Variants in ARID5B observed in about 807,000 individuals in gnomAD.
ARID5B encodes AT-rich interaction domain 5B.
A neutral mutation model predicts 97.2 loss-of-function variants in ARID5B; 13 were observed. That is an observed-to-expected ratio of 0.13 (90% CI 0.09 to 0.21). The LOEUF (loss-of-function observed/expected upper bound fraction) is 0.21. ARID5B is among the 10% of genes least tolerant of loss of function. ARID5B has a pLI of 1.00. For synonymous variants in ARID5B, 556 were observed against 570.3 expected (o/e 0.97, Z 0.36); for missense variants, 1,210 against 1,465.3 (o/e 0.83, Z 2.84).
intron 2 of ARID5B, among the ~76,000 whole-genome samples, chr10:61,933,100 A>G (rs773175416): frequency 2.2e-4 from 33 of 152,196 alleles, no homozygotes; most frequent in Admixed American, 3.3e-4. Flanking sequence ...AAACAAAAAA[A>G]CATTGTTGAC....
chr10:61,921,355 G>A (rs558196083), intron 2 of ARID5B, among the ~76,000 whole-genome samples: 11 of 152,330 alleles, frequency 7.2e-5, no homozygotes, highest in Admixed American at 5.2e-4. Context: ...GCTCTGTAGA[G>A]GGAGGATCTA....
chr10:62,020,469 G>A (rs1839341604), intron 4 of ARID5B, among the ~76,000 whole-genome samples: 1 of 152,154 alleles, frequency 6.6e-6, no homozygotes, highest in Non-Finnish European at 1.5e-5. Flanking sequence ...ATGGGACTTT[G>A]ACATCGGATA....
At chr10:62,073,433 T>A (rs1209044879) in intron 8 of ARID5B, among the ~76,000 whole-genome samples, 2 of 152,184 alleles carry the variant, frequency 1.3e-5, no homozygotes, top group Non-Finnish European at 2.9e-5. Flanking sequence ...AAAGTGTGGG[T>A]TGTTGAAAAG....
chr10:61,930,061 C>G (rs532667145), intron 2 of ARID5B, among the ~76,000 whole-genome samples: 1 of 152,258 alleles, frequency 6.6e-6, no homozygotes, highest in Admixed American at 6.5e-5. Flanking sequence ...ACAATGTAGT[C>G]ATGGGCTTTA....
At chr10:62,060,476 A>G (rs916482057) in intron 7 of ARID5B, among the ~76,000 whole-genome samples, 9 of 152,216 alleles carry the variant, frequency 5.9e-5, no homozygotes, top group African/African-American at 2.2e-4. Context: ...TAAAATGTGC[A>G]TTTCATATTC....
At chr10:61,924,374 A>G (rs1387068254) in intron 2 of ARID5B, among the ~76,000 whole-genome samples, 13 of 152,226 alleles carry the variant, frequency 8.5e-5, no homozygotes, top group Non-Finnish European at 1.5e-5. Context: ...ATATTTTTCC[A>G]AACTGAATTT....
chr10:62,044,840 G>A (rs1839686056), intron 4 of ARID5B, among the ~76,000 whole-genome samples: 1 of 152,166 alleles, frequency 6.6e-6, no homozygotes, highest in East Asian at 1.9e-4. Context: ...ATGGCCCAGT[G>A]TGTTTATATC....
intron 4 of ARID5B, among the ~76,000 whole-genome samples, chr10:62,003,516 G>T (rs1256184163): frequency 1.3e-5 from 2 of 152,172 alleles, no homozygotes; most frequent in African/African-American, 2.4e-5. Context: ...CTCCCATTTT[G>T]GGTAATGGCT....
intron 3 of ARID5B, among the ~76,000 whole-genome samples, chr10:61,944,843 T>C (rs1439712823): frequency 6.6e-6 from 1 of 152,162 alleles, no homozygotes; most frequent in Non-Finnish European, 1.5e-5. Flanking sequence ...CATCTCCAAA[T>C]GTGTCTTTAG....
At chr10:61,945,340 C>T (rs1456407365) in intron 3 of ARID5B, among the ~76,000 whole-genome samples, 1 of 151,290 alleles carries the variant, frequency 6.6e-6, no homozygotes, top group Admixed American at 6.6e-5. Context: ...TTCTCAGCCA[C>T]AAAAAAAGAT....
At chr10:61,988,018 G>A (rs1838870064) in intron 3 of ARID5B, among the ~76,000 whole-genome samples, 2 of 152,192 alleles carry the variant, frequency 1.3e-5, no homozygotes, top group South Asian at 4.1e-4. Context: ...CTAAACTAGA[G>A]CCATCCTCCT....
chr10:62,010,251 A>C (rs1316505405), intron 4 of ARID5B, among the ~76,000 whole-genome samples: 1 of 152,196 alleles, frequency 6.6e-6, no homozygotes. Flanking sequence ...TGGCTGCTTA[A>C]TGGGCTGCTT....
Position 62,051,225 on chromosome 10 carries a change from T to C in ARID5B, c.846+225T>C, listed in dbSNP as rs1422094141. The C allele has an allele frequency of 1.3e-5, 8 of 608,628 alleles. No homozygotes were observed. The Admixed American group carries it at 2.2e-4, about 17-fold the overall frequency. 37.7% of individuals were successfully genotyped at this position (608,628 alleles called of 1,614,324 possible). On this transcript the variant is annotated intron_variant, in intron 5 of 9. Transcript: ENST00000279873. ...CATTTTGATTAGTCAACAGAAAGACTTCCTACCTCCCAGTTTGGCCTGTTA... is the reference window on the plus strand; with the variant it reads ...CATTTTGATTAGTCAACAGAAAGACCTCCTACCTCCCAGTTTGGCCTGTTA...
chr10:61,926,471 G>T (rs1844107373), intron 2 of ARID5B, among the ~76,000 whole-genome samples: 1 of 152,156 alleles, frequency 6.6e-6, no homozygotes, highest in Non-Finnish European at 1.5e-5. Flanking sequence ...GATTAGATGG[G>T]ATAATGTCTA....
At chr10:61,907,755 T>G (rs756401433) in intron 2 of ARID5B, among the ~76,000 whole-genome samples, 17 of 152,254 alleles carry the variant, frequency 1.1e-4, no homozygotes, top group Non-Finnish European at 2.5e-4. Flanking sequence ...TCTGGCCCAC[T>G]GTCTGTTTTT....
chr10:61,952,843 G>GGTGTGT (rs59658634), intron 3 of ARID5B, among the ~76,000 whole-genome samples: 80 of 147,864 alleles, frequency 5.4e-4, no homozygotes, highest in East Asian at 1.2e-3. Context: ...TGGTGTTATA[G>GGTGTGT]GTGTGTGTGT....
At chr10:62,050,477 C>A (rs369756619) in intron 4 of ARID5B, among the ~76,000 whole-genome samples, 2 of 152,052 alleles carry the variant, frequency 1.3e-5, no homozygotes, top group Non-Finnish European at 2.9e-5. Context: ...ACTATGATAC[C>A]ATAAGGGCAG....
Position 62,091,093 on chromosome 10 carries a change from A to G in ARID5B, c.1630A>G (p.Ser544Gly), listed in dbSNP as rs1328589418. The change falls in exon 10 of 10, where the codon AGT (serine) becomes GGT (glycine). Residue 544 changes from serine (S) to glycine (G), a missense_variant. By Grantham distance (56) the Ser-to-Gly change is moderately conservative. Around this residue, in one of 8 missense-constraint regions of ARID5B, gnomAD observed 800 missense variants for 839.1 expected, o/e 0.95. Coordinates refer to ENST00000279873, the MANE Select transcript of ARID5B (RefSeq NM_032199.3). ...GAAGGGGCCCACACCTCCACTCCCA[A>G]GTGCTCCTCTGGCCCCAGAAAAAGA... Reference protein sequence around the residue: ...GEKGPTPPLPSAPLAPEKDSA... With the variant: ...GEKGPTPPLPGAPLAPEKDSA... 37 of 1,614,026 alleles carry G rather than the reference A, an allele frequency of 2.3e-5. No homozygotes were observed. Among genetic ancestry groups the G allele is most frequent in the Non-Finnish European group, 3.1e-5 (37 of 1,180,010 alleles).
At chr10:61,935,863 CT>C (rs1318671851) in intron 2 of ARID5B, among the ~76,000 whole-genome samples, 1 of 152,178 alleles carries the variant, frequency 6.6e-6, no homozygotes, top group African/African-American at 2.4e-5. Context: ...TTGTAAATCT[CT>C]TTACTGTCTA....
Sources: gnomAD v4.1 joint callset for allele counts (sites outside exome capture counted in the v4.1 genomes callset) on GRCh38, gnomAD v4.1.1 for gene constraint, gnomAD v4.1.1 regional missense constraint, MANE v1.5 for transcripts, NCBI Gene and HGNC (gene_info 2026-07-23, HGNC 2026-07-21) for gene names.